CACNB2: variants seen among roughly 807,000 people sequenced by gnomAD.
The protein encoded by CACNB2 is calcium voltage-gated channel auxiliary subunit beta 2.
In CACNB2, 42 loss-of-function variants were observed where a neutral mutation model predicts 73.3. The observed-to-expected ratio is 0.57, with a 90% CI of 0.45 to 0.74. The LOEUF (loss-of-function observed/expected upper bound fraction) is 0.74, where lower values mean the gene tolerates loss of function less well. Ranked by LOEUF, CACNB2 falls within the 30% of genes least tolerant of loss-of-function variation. The probability of loss-of-function intolerance (pLI) is 0.00; values close to 1 mark genes in which losing one functional copy is unlikely to be tolerated. For missense variants in CACNB2, 940 were observed against 853.0 expected (o/e 1.10, Z -1.27); for synonymous variants, 348 against 310.3 (o/e 1.12, Z -1.28).
At chr10:18,434,716 A>T (rs531818917) in intron 3 of CACNB2, among the ~76,000 whole-genome samples, 3 of 152,276 alleles carry the variant, frequency 2.0e-5, no homozygotes, top group South Asian at 4.1e-4. Context: ...AAAATTATTG[A>T]ACACCTCAGT....
chr10:18,427,287 T>C (rs2045656332), intron 3 of CACNB2, among the ~76,000 whole-genome samples: 2 of 152,192 alleles, frequency 1.3e-5, no homozygotes. Context: ...ATAGATTTTC[T>C]ACATGGAACT....
At chr10:18,300,736 C>G (rs1265028712) in intron 2 of CACNB2, among the ~76,000 whole-genome samples, 1 of 152,164 alleles carries the variant, frequency 6.6e-6, no homozygotes, top group African/African-American at 2.4e-5. Flanking sequence ...GTAATCCCAG[C>G]TACTCGGGAG....
intron 3 of CACNB2, among the ~76,000 whole-genome samples, chr10:18,497,306 G>C (rs12249007): frequency 1.3e-5 from 2 of 151,730 alleles, no homozygotes; most frequent in South Asian, 4.2e-4. Flanking sequence ...ATACCACTTA[G>C]AACAATACCA....
intron 2 of CACNB2, among the ~76,000 whole-genome samples, chr10:18,348,220 T>A (rs1048197028): frequency 3.3e-5 from 5 of 152,226 alleles, no homozygotes. Flanking sequence ...AATTTCTGCA[T>A]TGTAGACATA....
intron 3 of CACNB2, among the ~76,000 whole-genome samples, chr10:18,485,912 TC>T (rs1442354905): frequency 9.6e-6 from 1 of 104,300 alleles, no homozygotes; most frequent in Non-Finnish European, 1.9e-5. Flanking sequence ...GGGATCTGGG[TC>T]ATTTTTTTTT....
chr10:18,153,824 C>T (rs545215027), intron 2 of CACNB2, among the ~76,000 whole-genome samples: 130 of 148,004 alleles, frequency 8.8e-4, no homozygotes, highest in African/African-American at 3.3e-3. Context: ...TCAGGTGATC[C>T]GCCCACCTTG....
intron 3 of CACNB2, among the ~76,000 whole-genome samples, chr10:18,445,600 AG>A (rs1260034560): frequency 4.7e-5 from 4 of 85,014 alleles, no homozygotes; most frequent in Non-Finnish European, 1.3e-4. Context: ...AATATGAACG[AG>A]AGAGACCGTC....
At chr10:18,387,505 T>C (rs1002875023) in intron 2 of CACNB2, among the ~76,000 whole-genome samples, 3 of 152,196 alleles carry the variant, frequency 2.0e-5, no homozygotes, top group Non-Finnish European at 4.4e-5. Context: ...TACATTCTAC[T>C]GTATATATGT....
chr10:18,530,295 T>C (rs2052869916), intron 10 of CACNB2, among the ~76,000 whole-genome samples: 1 of 152,162 alleles, frequency 6.6e-6, no homozygotes, highest in Non-Finnish European at 1.5e-5. Flanking sequence ...AGCCATTATT[T>C]TGGTGCCCAG....
At chr10:18,180,449 G>GC (rs909240744) in intron 2 of CACNB2, among the ~76,000 whole-genome samples, 23 of 146,372 alleles carry the variant, frequency 1.6e-4, no homozygotes, top group Admixed American at 3.3e-4. Context: ...GGGTAAGGCT[G>GC]CCTTTTTTTT....
intron 2 of CACNB2, among the ~76,000 whole-genome samples, chr10:18,313,315 C>T (rs192194893): frequency 1.6e-4 from 24 of 148,810 alleles, no homozygotes; most frequent in Non-Finnish European, 3.1e-4. Flanking sequence ...ATCTCGTTGC[C>T]GTGGAGCCGT....
At chr10:18,305,213 G>T (rs2039682041) in intron 2 of CACNB2, among the ~76,000 whole-genome samples, 1 of 152,190 alleles carries the variant, frequency 6.6e-6, no homozygotes, top group Admixed American at 6.5e-5. Flanking sequence ...GACAGTAAAT[G>T]CTATGAGGCT....
Position 18,443,340 on chromosome 10 carries a change from C to T in CACNB2, c.333+41297C>T, listed in dbSNP as rs139807133. On this transcript the variant is annotated intron_variant, in intron 3 of 13. Transcript: ENST00000324631. Reference sequence around the variant, plus strand: ...ACACTCATCAGTTCACCTGGAGTACCGGAGGCACGTTTTCAGGTTGACTAG... The same window carrying T: ...ACACTCATCAGTTCACCTGGAGTACTGGAGGCACGTTTTCAGGTTGACTAG... 2.0e-4 allele frequency among the ~76,000 whole-genome samples: 31 copies of T among 151,888 alleles called. No homozygotes were observed. In the East Asian group the frequency reaches 2.3e-3, roughly 11 times the overall value.
At chr10:18,357,948 C>T (rs1225552645) in intron 2 of CACNB2, among the ~76,000 whole-genome samples, 1 of 152,198 alleles carries the variant, frequency 6.6e-6, no homozygotes, top group Non-Finnish European at 1.5e-5. Context: ...GGGCAGGAAT[C>T]ATATTTGCCT....
At chr10:18,278,160 G>A (rs2038379843) in intron 2 of CACNB2, among the ~76,000 whole-genome samples, 1 of 152,136 alleles carries the variant, frequency 6.6e-6, no homozygotes, top group African/African-American at 2.4e-5. Context: ...ACATCATGAC[G>A]AAAGAAATGC....
intron 3 of CACNB2, among the ~76,000 whole-genome samples, chr10:18,429,643 A>G (rs945780923): frequency 2.0e-5 from 3 of 148,740 alleles, no homozygotes; most frequent in African/African-American, 5.0e-5. Flanking sequence ...CTTGGGCAAC[A>G]TAGCAAGACT....
chr10:18,312,952 A>G (rs1364661353), intron 2 of CACNB2, among the ~76,000 whole-genome samples: 1 of 152,196 alleles, frequency 6.6e-6, no homozygotes. Context: ...AGGATACTCA[A>G]TGCAATAAAT....
intron 2 of CACNB2, among the ~76,000 whole-genome samples, chr10:18,179,194 C>T (rs1408991717): frequency 2.0e-5 from 3 of 151,984 alleles, no homozygotes; most frequent in Non-Finnish European, 1.5e-5. Flanking sequence ...AAGGAATAAC[C>T]CTTTAGCAGA....
At chr10:18,358,373 C>T (rs1235351716) in intron 2 of CACNB2, among the ~76,000 whole-genome samples, 1 of 152,216 alleles carries the variant, frequency 6.6e-6, no homozygotes, top group African/African-American at 2.4e-5. Flanking sequence ...CAGGTGTGAG[C>T]CACCATGCCT....
Sources: allele counts gnomAD v4.1 joint callset (sites outside exome capture counted in the v4.1 genomes callset), GRCh38; gene constraint gnomAD v4.1.1; transcripts MANE v1.5; gene names NCBI Gene and HGNC (gene_info 2026-07-23, HGNC 2026-07-21).